The following TRRAP variants were observed in gnomAD, a reference collection of about 807,000 sequenced individuals.
The protein encoded by TRRAP is transformation/transcription domain associated protein, also known as transformation/transcription domain-associated protein.
Under a neutral mutation model 438.8 loss-of-function variants are expected in TRRAP, and 41 were observed. That is an observed-to-expected ratio of 0.09 (90% CI 0.07 to 0.12). The LOEUF (loss-of-function observed/expected upper bound fraction) is 0.12. TRRAP is among the 10% of genes least tolerant of loss of function. TRRAP has a pLI of 1.00. For missense variants in TRRAP, 3,122 were observed against 5,055.1 expected, an observed-to-expected ratio of 0.62 and a Z score of 11.60; for synonymous variants, 1,994 against 1,962.9, an observed-to-expected ratio of 1.02 and a Z score of -0.42.
intron 3 of TRRAP, among the ~76,000 whole-genome samples, chr7:98,887,350 T>C (rs2116269388): frequency 6.6e-6 from 1 of 152,306 alleles, no homozygotes; most frequent in Non-Finnish European, 1.5e-5. Flanking sequence ...GCATGAATCT[T>C]CTCCCTCTTT....
intron 30 of TRRAP, among the ~76,000 whole-genome samples, chr7:98,940,834 C>G (rs1554415439): frequency 1.3e-5 from 2 of 152,180 alleles, no homozygotes; most frequent in African/African-American, 4.8e-5. Context: ...ACACACTTTT[C>G]CCTACTTAAT....
intron 67 of TRRAP, chr7:98,999,522 C>T: frequency 1.4e-6 from 1 of 726,536 alleles, no homozygotes; most frequent in South Asian, 1.6e-5. Context: ...TATTGGGGTG[C>T]ACCAGGGTCT....
intron 12 of TRRAP, 125 bp from the exon 13 acceptor site, chr7:98,906,052 G>C: frequency 1.4e-6 from 1 of 715,028 alleles, no homozygotes; most frequent in Non-Finnish European, 2.3e-6. Flanking sequence ...TCTCCTCTCT[G>C]TCCCTTTTCA....
In TRRAP at chr7:99,005,499, G is replaced by C; in HGVS notation, c.10753+151G>C. On this transcript the variant is annotated intron_variant, in intron 69 of 72. Transcript: ENST00000456197. This position sits in a 1 kb window ranked among gnomAD's most constrained non-coding sequence, Gnocchi z 5.1. ...AATGTTGTAGTCTGTGCTGACCAGGGAAGGCCTCAGGAAGAGGAGCAGCTC... is the reference window on the plus strand; with the variant it reads ...AATGTTGTAGTCTGTGCTGACCAGGCAAGGCCTCAGGAAGAGGAGCAGCTC... 1.4e-6 allele frequency: 1 copy of C among 724,180 alleles called. No homozygotes were observed. The highest frequency in any genetic ancestry group is 2.3e-6 in the Non-Finnish European group (1 of 438,430). 44.9% of individuals were successfully genotyped at this position (724,180 alleles called of 1,614,324 possible).
intron 58 of TRRAP, among the ~76,000 whole-genome samples, chr7:98,979,762 A>G (rs559468687): frequency 6.6e-6 from 1 of 152,298 alleles, no homozygotes; most frequent in South Asian, 2.1e-4. Flanking sequence ...TGATCATTTT[A>G]TAAAACTTGT....
chr7:98,914,892 A>G (rs929129339), intron 18 of TRRAP, among the ~76,000 whole-genome samples: 5 of 152,168 alleles, frequency 3.3e-5, no homozygotes, highest in Non-Finnish European at 7.4e-5. Flanking sequence ...TTGGAACCAT[A>G]TCAGTGACTA....
chr7:99,007,221 C>T (rs13247321), intron 69 of TRRAP, among the ~76,000 whole-genome samples: 11,775 of 152,276 alleles, frequency 0.077, 665 homozygotes, highest in Middle Eastern at 0.16. Flanking sequence ...GCACAGCCGT[C>T]CTAGGTGCTG....
chr7:98,943,707 G>A (rs1025502119), intron 31 of TRRAP, among the ~76,000 whole-genome samples: 1 of 152,122 alleles, frequency 6.6e-6, no homozygotes, highest in Non-Finnish European at 1.5e-5. Flanking sequence ...AATATTATTT[G>A]TATATGTTTA....
At chr7:98,962,095 A>G (rs935093056) in intron 46 of TRRAP, among the ~76,000 whole-genome samples, 1 of 152,172 alleles carries the variant, frequency 6.6e-6, no homozygotes, top group Admixed American at 6.5e-5. Context: ...TATTTCAAGG[A>G]GATTCTGTTA....
At chr7:98,966,617 AG>A (rs2116689865) in intron 49 of TRRAP, among the ~76,000 whole-genome samples, 1 of 152,246 alleles carries the variant, frequency 6.6e-6, no homozygotes, top group Admixed American at 6.5e-5. Context: ...TCCAGGAGGC[AG>A]AGGTTGCAGT....
At chr7:99,007,343 G>GT (rs986932366) in intron 69 of TRRAP, among the ~76,000 whole-genome samples, 35 of 151,746 alleles carry the variant, frequency 2.3e-4, no homozygotes, top group Middle Eastern at 3.4e-3. Context: ...GGCAGAGTCT[G>GT]TTTTTTTTTA....
At chr7:98,890,257 C>A in intron 3 of TRRAP, 78 bp from the exon 4 acceptor site, 2 of 897,874 alleles carry the variant, frequency 2.2e-6, no homozygotes, top group South Asian at 3.9e-5. Flanking sequence ...TATTCCTTTG[C>A]AGTTATTATA....
chr7:98,912,257 T>G, intron 18 of TRRAP, 44 bp downstream of exon 18: 1 of 1,588,834 alleles, frequency 6.3e-7, no homozygotes, highest in African/African-American at 1.3e-5. Context: ...TCAGGGTTTT[T>G]TATTGTTGTT....
In TRRAP at chr7:98,949,589, C is replaced by T. The variant is rs1262395169; in HGVS notation, c.4953+8C>T. On this transcript the variant is annotated splice_region_variant and intron_variant, in intron 36 of 72. Coordinates refer to ENST00000456197, the MANE Select transcript of TRRAP (RefSeq NM_001375524.1). ...CAGTTCCAGGCCATCAAGGTAGCGC[C>T]CCTTCCTCCAGCCCCCAATGCCCAG... 1.9e-6 allele frequency: 3 copies of T among 1,584,512 alleles called. No homozygotes were observed. The highest frequency in any genetic ancestry group is 2.2e-5 in the East Asian group (1 of 44,596).
At chr7:98,967,232 C>T (rs1480219498) in intron 50 of TRRAP, 70 bp downstream of exon 50, 1 of 1,541,542 alleles carries the variant, frequency 6.5e-7, no homozygotes, top group African/African-American at 1.4e-5. Flanking sequence ...GCCAGCCATG[C>T]AGCCATGATT....
chr7:98,992,212 G>A lies in TRRAP; in HGVS notation c.9832G>A (p.Glu3278Lys), dbSNP rs2116803441. The A allele has an allele frequency of 6.2e-7, 1 of 1,614,170 alleles. No individual in the cohort carries two copies. Among genetic ancestry groups the A allele is most frequent in the Non-Finnish European group, 8.5e-7 (1 of 1,180,040 alleles). ...LYLTLKIEQR[E>K]RYKSDSGQQQ... ...CCTGACCCTGAAAATAGAACAGCGG[G>A]AACGCTACAAGAGCGGTACGTCTCG... The change falls in exon 65 of 73, where the codon GAA (glutamate) becomes AAA (lysine). Residue 3278 changes from glutamate (E) to lysine (K), a missense_variant. Coordinates refer to ENST00000456197, the MANE Select transcript of TRRAP (RefSeq NM_001375524.1).
rs782643267 is a variant in TRRAP, at chr7:98,955,142, G to A, written c.5775G>A (p.Ala1925=). Residue 1925 remains alanine, a synonymous_variant, in exon 41 of 73, where the codon GCG becomes GCA. Coordinates refer to ENST00000456197, the MANE Select transcript of TRRAP (RefSeq NM_001375524.1). ...AGGCTCACGCAATGGAAGCTCGAGC[G>A]ATCGTCAGACAGGCGATGGCCATTC... ...LLKAHAMEAR[A]IVRQAMAILT... The A allele has an allele frequency of 8.7e-6, 14 of 1,614,040 alleles. No individual in the cohort carries two copies. Among genetic ancestry groups the A allele is most frequent in the South Asian group, 4.4e-5 (4 of 91,076 alleles).
In TRRAP at chr7:98,942,864, A is replaced by G. The variant is rs902238128; in HGVS notation, c.4405-85A>G. On this transcript the variant is annotated intron_variant, in intron 30 of 72. Transcript: ENST00000456197. The stretch of plus-strand genomic sequence containing the variant: ...CACTGCAGTTCTCACACTAAACACG[A>G]TGGAAATGAATGATTACATAGTAGT... The G allele has an allele frequency of 1.6e-5, 24 of 1,458,286 alleles. No homozygotes were observed. In the African/African-American group the frequency reaches 3.3e-4, roughly 20 times the overall value. The allele number at this position is 1,458,286 out of a possible 1,614,324, so 90.3% of individuals were successfully genotyped here.
rs1214201787 is a variant in TRRAP, at chr7:99,005,278, G to T, written c.10683G>T (p.Gln3561His). 1.7e-5 allele frequency: 27 copies of T among 1,614,172 alleles called. No homozygotes were observed. The highest frequency in any genetic ancestry group is 2.3e-5 in the Non-Finnish European group (27 of 1,180,044). ...CACGGCGAGAGGAGCGTGTGTTGCA[G>T]CTGCTGCGTCTGCTGAACCCCTGTT... ...TESRREERVL[Q>H]LLRLLNPCLE... is the part of the protein sequence containing the mutation. Residue 3561 changes from glutamine to histidine, a missense_variant, in exon 69 of 73, where the codon CAG (glutamine) becomes CAT (histidine). This residue lies in a region of TRRAP where 95 missense variants were observed against 144.1 expected (regional missense o/e 0.66). Coordinates refer to ENST00000456197, the MANE Select transcript of TRRAP (RefSeq NM_001375524.1). The surrounding 1 kb of genome is among the most constrained non-coding windows in gnomAD (Gnocchi z 5.1).
Sources: allele counts gnomAD v4.1 joint callset (sites outside exome capture counted in the v4.1 genomes callset), GRCh38; gene constraint gnomAD v4.1.1; regional missense constraint gnomAD v4.1.1; non-coding constraint Gnocchi (gnomAD v3.1); transcripts MANE v1.5; gene names NCBI Gene and HGNC (gene_info 2026-07-23, HGNC 2026-07-21).